MEGF6: variants seen among roughly 807,000 people sequenced by gnomAD.
The protein encoded by MEGF6 is multiple epidermal growth factor-like domains protein 6.
MEGF6 carries 184 observed loss-of-function variants against 207.1 expected under a neutral mutation model. The observed-to-expected ratio is 0.89, with a 90% CI of 0.79 to 1.00. The LOEUF is 1.00. Among genes scored for constraint, MEGF6 ranks in the 50% least tolerant of loss-of-function variants. The pLI is 0.00. For missense variants in MEGF6, 2,282 were observed against 2,202.9 expected, an observed-to-expected ratio of 1.04 and a Z score of -0.72; for synonymous variants, 1,038 against 910.0, an observed-to-expected ratio of 1.14 and a Z score of -2.53.
At chr1:3,505,397 C>T (rs780832274) in intron 16 of MEGF6, 25 bp downstream of exon 16, 1 of 1,601,764 alleles carries the variant, frequency 6.2e-7, no homozygotes, top group Non-Finnish European at 8.5e-7. Context: ...CGCCCCCCGC[C>T]CCCAGACCCC....
At chr1:3,523,885 C>G (rs377569344) in intron 5 of MEGF6, among the ~76,000 whole-genome samples, 2 of 152,242 alleles carry the variant, frequency 1.3e-5, no homozygotes, top group Non-Finnish European at 2.9e-5. Flanking sequence ...TGCAGAGGGT[C>G]TGCAGCCAGG....
At chr1:3,510,957 C>T (rs1641324619) in intron 9 of MEGF6, 55 bp from the exon 10 acceptor site, 5 of 1,386,734 alleles carry the variant, frequency 3.6e-6, no homozygotes, top group Non-Finnish European at 4.9e-6. Context: ...CGTGCACACG[C>T]CCCCACCCAC....
At chr1:3,521,808 G>A (rs1641761025) in intron 5 of MEGF6, among the ~76,000 whole-genome samples, 1 of 152,206 alleles carries the variant, frequency 6.6e-6, no homozygotes, top group African/African-American at 2.4e-5. Flanking sequence ...CGCACACAGA[G>A]GCCACCATGG....
chr1:3,509,642 T>C (rs989962343), intron 11 of MEGF6, among the ~76,000 whole-genome samples: 4 of 151,672 alleles, frequency 2.6e-5, no homozygotes, highest in African/African-American at 9.7e-5. Context: ...CTCACCAGCT[T>C]CCCCCACCCC....
At chr1:3,538,750 G>GTGT (rs1642412181) in intron 4 of MEGF6, among the ~76,000 whole-genome samples, 1 of 148,922 alleles carries the variant, frequency 6.7e-6, no homozygotes, top group African/African-American at 2.5e-5. Flanking sequence ...GTGTGTCCGC[G>GTGT]CTGTCTGTGG....
intron 4 of MEGF6, among the ~76,000 whole-genome samples, chr1:3,557,567 C>T (rs887013721): frequency 1.3e-5 from 2 of 152,230 alleles, no homozygotes; most frequent in African/African-American, 4.8e-5. Flanking sequence ...GTAGCCAGAA[C>T]ATTCCAACCC....
At position 3,500,689 on chromosome 1, in the gene MEGF6, G is replaced by A. The variant is rs1273546283; in HGVS notation, c.2651C>T (p.Ala884Val). 1.3e-6 allele frequency: 2 copies of A among 1,580,936 alleles called. No homozygotes were observed. The highest frequency in any genetic ancestry group is 1.3e-5 in the African/African-American group (1 of 74,276). ...CTCACACAGACACAGGCCGCTGATG[G>A]CATCACAGCTCCCGTGGCCAGCGCT... Reference protein sequence around the residue: ...NCSAGHGSCDAISGLCLCEAG... With the variant: ...NCSAGHGSCDVISGLCLCEAG... The change falls in exon 21 of 37, where the codon GCC (alanine) becomes GTC (valine). Residue 884 changes from alanine (A) to valine (V), a missense_variant. By Grantham distance (64) the Ala-to-Val change is moderately conservative. Transcript: ENST00000356575.
chr1:3,496,169 C>T (rs1569935344), intron 29 of MEGF6, 151 bp from the exon 30 acceptor site: 1 of 1,184,938 alleles, frequency 8.4e-7, no homozygotes, highest in South Asian at 1.6e-5. Context: ...ATGCACCCAC[C>T]CTGGCATCTC....
chr1:3,572,853 G>A (rs1385948540), intron 4 of MEGF6, among the ~76,000 whole-genome samples: 1 of 132,900 alleles, frequency 7.5e-6, no homozygotes. Flanking sequence ...TCCTTCCTGG[G>A]TGTGCTGGGT....
rs554545543 is a variant in MEGF6, at chr1:3,602,519, C to G, written c.213G>C (p.Pro71=). Residue 71 remains proline (P), a synonymous_variant, in exon 2 of 37, where the codon CCG becomes CCC. Coordinates refer to ENST00000356575, the MANE Select transcript of MEGF6 (RefSeq NM_001409.4). ...PCVQALSHTV[P]VWKAGCGWQA... ...GCCACCCACAGCCGGCCTTCCACAC[C>G]GGCACCGTGTGGCTTAAGGCCTGCA... 4 of 1,613,368 alleles carry G rather than the reference C, an allele frequency of 2.5e-6. No homozygotes were observed. The highest frequency in any genetic ancestry group is 3.4e-6 in the Non-Finnish European group (4 of 1,179,898).
chr1:3,503,707 ATG>A (rs58666986), intron 17 of MEGF6, among the ~76,000 whole-genome samples: 4 of 141,120 alleles, frequency 2.8e-5, no homozygotes, highest in African/African-American at 7.8e-5. Context: ...GTATGTGTGT[ATG>A]TGTGTGTAAG....
intron 5 of MEGF6, among the ~76,000 whole-genome samples, chr1:3,520,230 C>T (rs1210998452): frequency 6.6e-6 from 1 of 152,234 alleles, no homozygotes; most frequent in Non-Finnish European, 1.5e-5. Flanking sequence ...GGCTAGGGTC[C>T]AGAGTCAGCC....
At chr1:3,578,759 A>ACG (rs1643712888) in intron 4 of MEGF6, among the ~76,000 whole-genome samples, 9 of 151,840 alleles carry the variant, frequency 5.9e-5, no homozygotes, top group Non-Finnish European at 1.3e-4. Flanking sequence ...CCAGCTCAGA[A>ACG]CTCTGGGGAG....
At chr1:3,495,352 T>C (rs1187470687) in intron 30 of MEGF6, among the ~76,000 whole-genome samples, 1 of 152,024 alleles carries the variant, frequency 6.6e-6, no homozygotes, top group Non-Finnish European at 1.5e-5. Flanking sequence ...AGACTAAGGG[T>C]GGGACCAGGC....
chr1:3,611,909 G>A (rs1481632452), upstream of MEGF6, among the ~76,000 whole-genome samples: 1 of 151,952 alleles, frequency 6.6e-6, no homozygotes, highest in East Asian at 2.0e-4. Context: ...ACCCCGCAAA[G>A]GCAGCTCTCT....
At chr1:3,571,804 CCTGGGTGTGCTGGGTCCTG>C (rs375818292) in intron 4 of MEGF6, among the ~76,000 whole-genome samples, 4,587 of 140,526 alleles carry the variant, frequency 0.033, 106 homozygotes, top group African/African-American at 0.057. Context: ...GCTGGGTCCT[CCTGGGTGTGCTGGGTCCTG>C]CTGGGTGTGC....
At chr1:3,495,821 TC>T in intron 30 of MEGF6, 68 bp downstream of exon 30, 2 of 1,538,932 alleles carry the variant, frequency 1.3e-6, no homozygotes, top group South Asian at 1.2e-5. Flanking sequence ...CCCTCCAGTG[TC>T]CCCACGGCTA....
chr1:3,498,827 C>G lies in MEGF6; in HGVS notation c.3095-1G>C, dbSNP rs769594184. 1 of 1,551,134 alleles carries G rather than the reference C, an allele frequency of 6.4e-7. No individual in the cohort carries two copies. The highest frequency in any genetic ancestry group is 2.0e-5 in the Admixed American group (1 of 51,218). ...TCGCCGTACAGGCCGGCAGGGCAGGCTGGGGCCAGGGAAGAGGGAGCAACC... is the reference window on the plus strand; with the variant it reads ...TCGCCGTACAGGCCGGCAGGGCAGGGTGGGGCCAGGGAAGAGGGAGCAACC... On this transcript the variant is annotated splice_acceptor_variant, in intron 24 of 36. Transcript: ENST00000356575. LOFTEE classifies it high-confidence loss of function.
intron 4 of MEGF6, among the ~76,000 whole-genome samples, chr1:3,575,686 C>G (rs1441390800): frequency 6.6e-6 from 1 of 152,064 alleles, no homozygotes; most frequent in Non-Finnish European, 1.5e-5. Flanking sequence ...GGAAACTCCC[C>G]CTTATAAACC....
Sources: allele counts gnomAD v4.1 joint callset (sites outside exome capture counted in the v4.1 genomes callset), GRCh38; gene constraint gnomAD v4.1.1; transcripts MANE v1.5; gene names NCBI Gene and HGNC (gene_info 2026-07-23, HGNC 2026-07-21).